Variants in WT1 observed in about 807,000 individuals in gnomAD.
WT1 encodes Wilms tumor protein.
Under a neutral mutation model 60.8 loss-of-function variants are expected in WT1, and 8 were observed. The ratio of observed to expected loss-of-function variants is 0.13; its 90% CI spans 0.08 to 0.24. WT1 has a LOEUF of 0.24. Ranked by LOEUF, WT1 falls within the 10% of genes least tolerant of loss-of-function variation. The pLI, the probability that WT1 is intolerant of heterozygous loss-of-function variation, is 1.00. For synonymous variants in WT1, 312 were observed against 297.1 expected (o/e 1.05, Z -0.52); for missense variants, 568 against 711.8 (o/e 0.80, Z 2.30).
At chr11:32,405,804 G>T (rs1314102625) in intron 5 of WT1, among the ~76,000 whole-genome samples, 1 of 152,200 alleles carries the variant, frequency 6.6e-6, no homozygotes, top group Non-Finnish European at 1.5e-5. Context: ...GAATACTGAG[G>T]TTTAAGGAGA....
At chr11:32,413,175 T>G (rs1590367662) in intron 5 of WT1, among the ~76,000 whole-genome samples, 1 of 152,336 alleles carries the variant, frequency 6.6e-6, no homozygotes, top group African/African-American at 2.4e-5. Context: ...TGATAATGCC[T>G]CTTTTTTATG....
chr11:32,428,633 G>T lies in WT1; in HGVS notation c.662-14C>A. On this transcript the variant is annotated splice_polypyrimidine_tract_variant and intron_variant, in intron 1 of 9. Transcript: ENST00000452863. ...CCGTGCTGTAACCTGCGGGAGCGGC[G>T]GAGAGAAGCACAGTGTCAGCGGTGC... 6.2e-7 allele frequency: 1 copy of T among 1,611,320 alleles called. No homozygotes were observed. Among genetic ancestry groups the T allele is most frequent in the South Asian group, 1.1e-5 (1 of 91,026 alleles).
chr11:32,425,970 T>C (rs2133064828), intron 3 of WT1, among the ~76,000 whole-genome samples: 1 of 152,314 alleles, frequency 6.6e-6, no homozygotes, highest in East Asian at 1.9e-4. Context: ...AAATCCACCA[T>C]AGGCACCCTG....
chr11:32,430,482 G>T, intron 1 of WT1: 5 of 1,589,390 alleles, frequency 3.1e-6, no homozygotes, highest in Non-Finnish European at 3.4e-6. Flanking sequence ...GAGAGAGAGA[G>T]AGAGAGAGAC....
chr11:32,404,039 C>T (rs1204018473), intron 5 of WT1, among the ~76,000 whole-genome samples: 2 of 151,764 alleles, frequency 1.3e-5, no homozygotes, highest in Non-Finnish European at 1.5e-5. Flanking sequence ...TTTGGGAGGC[C>T]GAGGCAGGCG....
chr11:32,426,508 G>C (rs527426570), intron 3 of WT1, among the ~76,000 whole-genome samples: 2 of 152,286 alleles, frequency 1.3e-5, no homozygotes, highest in Non-Finnish European at 2.9e-5. Context: ...GGCAGGCTTG[G>C]GGCAGCATGC....
Position 32,389,248 on chromosome 11 carries a change from C to T in WT1, c.1448-69G>A, listed in dbSNP as rs1451462343. On this transcript the variant is annotated intron_variant, in intron 9 of 9. Transcript: ENST00000452863. ...CAGGCACAAGTTCAACTATCAAGGC[C>T]CGAGTGAAGTCATCACAAGGCACCC... 6 of 1,611,792 alleles carry T rather than the reference C, an allele frequency of 3.7e-6. No homozygotes were observed. The South Asian group carries it at 5.5e-5, about 15-fold the overall frequency.
intron 3 of WT1, 56 bp from the exon 4 acceptor site, chr11:32,417,710 G>A (rs2133038225): frequency 6.8e-7 from 1 of 1,469,360 alleles, no homozygotes; most frequent in Admixed American, 1.7e-5. Flanking sequence ...ATACACAACT[G>A]TTTCTTCAAA....
At chr11:32,432,211 A>G (rs1449222933) in intron 1 of WT1, among the ~76,000 whole-genome samples, 1 of 152,196 alleles carries the variant, frequency 6.6e-6, no homozygotes, top group Non-Finnish European at 1.5e-5. Flanking sequence ...CCTGTGCACC[A>G]TGGCTAGACT....
rs1230886611 is a variant in WT1 at position 32,427,982 on chromosome 11, A to C, written c.861T>G (p.Ala287=). ...TGCTGTAGGGCGTCCTCAGCAGCAAAGCCTGGCTGCCGGTGCAGCTGTCGG... is the reference window on the plus strand; with the variant it reads ...TGCTGTAGGGCGTCCTCAGCAGCAACGCCTGGCTGCCGGTGCAGCTGTCGG... Residue 287 remains alanine, a synonymous_variant, in exon 3 of 10, where the codon GCT becomes GCG. Transcript: ENST00000452863. 1 of 1,611,720 alleles carries C rather than the reference A, an allele frequency of 6.2e-7. No individual in the cohort carries two copies. Among genetic ancestry groups the C allele is most frequent in the South Asian group, 1.1e-5 (1 of 90,812 alleles).
At position 32,387,925 on chromosome 11, in the gene WT1, A is replaced by T. The variant is rs1851701653; in HGVS notation, c.*1133T>A. ...TTTAGTTGTCAAAGAGCAAATCATT[A>T]TCAGACATATATTTACACAGTAATT... On this transcript the variant is annotated 3_prime_UTR_variant, in exon 10 of 10. Coordinates refer to ENST00000452863, the MANE Select transcript of WT1 (RefSeq NM_024426.6). 4.3e-6 allele frequency: 1 copy of T among 234,016 alleles called. No homozygotes were observed. Among genetic ancestry groups the T allele is most frequent in the African/African-American group, 2.2e-5 (1 of 45,334 alleles). 14.5% of individuals were successfully genotyped at this position (234,016 alleles called of 1,614,324 possible).
chr11:32,427,757 A>T (rs983830924), intron 3 of WT1, among the ~76,000 whole-genome samples, 199 bp downstream of exon 3: 1 of 152,234 alleles, frequency 6.6e-6, no homozygotes, highest in Non-Finnish European at 1.5e-5. Context: ...TTTTTATACA[A>T]CATAAGAACA....
intron 7 of WT1, among the ~76,000 whole-genome samples, chr11:32,393,638 T>C (rs1298992329): frequency 6.6e-6 from 1 of 152,234 alleles, no homozygotes; most frequent in East Asian, 1.9e-4. Flanking sequence ...TTCCCCACTA[T>C]GCCAGAGCTC....
At chr11:32,433,775 T>C (rs958014254) in intron 1 of WT1, among the ~76,000 whole-genome samples, 3 of 152,218 alleles carry the variant, frequency 2.0e-5, no homozygotes, top group East Asian at 1.9e-4. Context: ...CTGATACTTA[T>C]CGTGTGCCGA....
chr11:32,392,549 G>A, intron 8 of WT1, 117 bp downstream of exon 8: 3 of 1,044,044 alleles, frequency 2.9e-6, no homozygotes, highest in Non-Finnish European at 4.4e-6. Context: ...GGAAAATACT[G>A]GAAAAACTAA....
Position 32,405,816 on chromosome 11 carries a change from A to G in WT1, c.1017-5772T>C, listed in dbSNP as rs530755738. Among the ~76,000 whole-genome samples the G allele has an allele frequency of 4.2e-4, 64 of 152,324 alleles. 2 individuals are homozygous for G. The South Asian group carries it at 0.013, about 32-fold the overall frequency. On this transcript the variant is annotated intron_variant, in intron 5 of 9. Transcript: ENST00000452863. ...AAAGAATACTGAGGTTTAAGGAGAC[A>G]TTGCGTTATTTGCCCACAGTCAGAT... is the stretch of plus-strand genomic sequence containing the variant.
At chr11:32,408,514 T>TAAAAAAAAAAAAAAAAAAA (rs58685266) in intron 5 of WT1, among the ~76,000 whole-genome samples, 11 of 74,228 alleles carry the variant, frequency 1.5e-4, no homozygotes, top group Non-Finnish European at 2.5e-4. Flanking sequence ...GACTACGTCT[T>TAAAAAAAAAAAAAAAAAAA]AAAAAAAAAA....
At chr11:32,423,232 C>T (rs1238814680) in intron 3 of WT1, among the ~76,000 whole-genome samples, 1 of 152,250 alleles carries the variant, frequency 6.6e-6, no homozygotes, top group Non-Finnish European at 1.5e-5. Context: ...GTCCTGGAAG[C>T]AGTCATTCTT....
intron 7 of WT1, among the ~76,000 whole-genome samples, chr11:32,393,883 G>A (rs1352296125): frequency 6.6e-6 from 1 of 152,110 alleles, no homozygotes; most frequent in Non-Finnish European, 1.5e-5. Context: ...CCTAAGGGCT[G>A]GAGCCTTTTT....
Sources: allele counts gnomAD v4.1 joint callset (sites outside exome capture counted in the v4.1 genomes callset), GRCh38; gene constraint gnomAD v4.1.1; transcripts MANE v1.5; gene names NCBI Gene and HGNC (gene_info 2026-07-23, HGNC 2026-07-21).